MAU2: variants seen among roughly 807,000 people sequenced by gnomAD.
MAU2 encodes the protein MAU2 chromatid cohesion factor homolog.
Under a neutral mutation model 89.1 loss-of-function variants are expected in MAU2, and 9 were observed. That is an observed-to-expected ratio of 0.10 (90% CI 0.06 to 0.18). The LOEUF is 0.18. MAU2 is among the 10% of genes least tolerant of loss of function. MAU2 has a pLI of 1.00. For missense variants in MAU2, 425 were observed against 803.5 expected (o/e 0.53, Z 5.69); for synonymous variants, 357 against 343.4 (o/e 1.04, Z -0.44).
At chr19:19,334,682 C>A in intron 1 of MAU2, 1 of 838,306 alleles carries the variant, frequency 1.2e-6, no homozygotes, top group Non-Finnish European at 1.4e-6. Flanking sequence ...TAGGAGTGGC[C>A]GCTGTTGCCG....
chr19:19,325,714 G>A (rs2061498183), intron 1 of MAU2, among the ~76,000 whole-genome samples: 1 of 151,936 alleles, frequency 6.6e-6, no homozygotes, highest in Admixed American at 6.6e-5. Flanking sequence ...CCTGACCTCA[G>A]GTGATCTGCC....
In MAU2 at chr19:19,345,247, C is replaced by A; in HGVS notation, c.1156-57C>A. 1 of 1,509,770 alleles carries A rather than the reference C, an allele frequency of 6.6e-7. No homozygotes were observed. The highest frequency in any genetic ancestry group is 9.2e-7 in the Non-Finnish European group (1 of 1,086,222). The allele number at this position is 1,509,770 out of a possible 1,614,324, so 93.5% of individuals were successfully genotyped here. On this transcript the variant is annotated intron_variant, in intron 11 of 18. Transcript: ENST00000262815. The surrounding 1 kb of genome is among the most constrained non-coding windows in gnomAD (Gnocchi z 4.9). ...CAGGCCCCGGGCACACCACGTGTCT[C>A]TGATCTGAGCCCCCTCCCCAGGGGC...
chr19:19,327,297 A>C (rs2061518162), intron 1 of MAU2, among the ~76,000 whole-genome samples: 1 of 142,592 alleles, frequency 7.0e-6, no homozygotes, highest in Non-Finnish European at 1.5e-5. Flanking sequence ...AATTTTTTCT[A>C]CTTGTATTTA....
chr19:19,326,706 A>ATATATATACACACATATATATATGTG (rs1555792838), intron 1 of MAU2, among the ~76,000 whole-genome samples: 5 of 87,008 alleles, frequency 5.7e-5, no homozygotes, highest in Admixed American at 4.0e-4. Flanking sequence ...ATATATGTAT[A>ATATATATACACACATATATATATGTG]TATATATATA....
intron 16 of MAU2, 97 bp from the exon 17 acceptor site, chr19:19,354,258 A>G (rs1285939460): frequency 1.2e-6 from 1 of 866,768 alleles, no homozygotes; most frequent in Non-Finnish European, 1.9e-6. Context: ...GGCTGGGTTC[A>G]GTAGGTGGGT....
intron 3 of MAU2, 114 bp from the exon 4 acceptor site, chr19:19,337,056 A>G (rs1383873073): frequency 1.4e-6 from 1 of 731,870 alleles, no homozygotes; most frequent in Non-Finnish European, 2.3e-6. Context: ...ATCCTTTGGT[A>G]AGCATGAACA....
rs749502010 is a variant in MAU2 at position 19,356,148 on chromosome 19, A to G, written c.*366A>G. The G allele has an allele frequency of 4.5e-6, 2 of 444,062 alleles. No individual in the cohort carries two copies. Among genetic ancestry groups the G allele is most frequent in the South Asian group, 1.7e-5 (1 of 58,110 alleles). The allele number at this position is 444,062 out of a possible 1,614,324, so 27.5% of individuals were successfully genotyped here. On this transcript the variant is annotated 3_prime_UTR_variant, in exon 19 of 19. Transcript: ENST00000262815. ...CCAGGGCAGGCAGTGCCCCAGGGGC[A>G]CCACGCCTGACTCTCCATCACCCAG...
intron 5 of MAU2, among the ~76,000 whole-genome samples, chr19:19,340,579 C>T (rs2061636015): frequency 6.6e-6 from 1 of 152,096 alleles, no homozygotes. Flanking sequence ...GCTGAGCTTG[C>T]AGTGAGCTGA....
At chr19:19,344,027 C>A in intron 10 of MAU2, 87 bp downstream of exon 10, 1 of 1,068,050 alleles carries the variant, frequency 9.4e-7, no homozygotes, top group Non-Finnish European at 1.4e-6. Flanking sequence ...TCGCCAAGTG[C>A]ATACTGGCAG....
At chr19:19,341,539 C>G in intron 7 of MAU2, 132 bp downstream of exon 7, 2 of 1,075,006 alleles carry the variant, frequency 1.9e-6, no homozygotes, top group Non-Finnish European at 2.7e-6. Flanking sequence ...GCTGTCATAC[C>G]AGTCCCGGAC....
Position 19,320,831 on chromosome 19 carries a change from G to T in MAU2, c.-29G>T, listed in dbSNP as rs1186278608. 6.7e-7 allele frequency: 1 copy of T among 1,496,196 alleles called. No individual in the cohort carries two copies. The highest frequency in any genetic ancestry group is 1.5e-5 in the African/African-American group (1 of 68,674). The allele number at this position is 1,496,196 out of a possible 1,614,324, so 92.7% of individuals were successfully genotyped here. ...CGCGCGCCTGCTTCCGCCTCCCTGTGGCGGCGGCTTGTTGTTGTGGAGGCC... is the reference window on the plus strand; with the variant it reads ...CGCGCGCCTGCTTCCGCCTCCCTGTTGCGGCGGCTTGTTGTTGTGGAGGCC... On this transcript the variant is annotated 5_prime_UTR_variant, in exon 1 of 19. Coordinates refer to ENST00000262815, the MANE Select transcript of MAU2 (RefSeq NM_015329.4).
chr19:19,350,181 A>G (rs1343653056), intron 16 of MAU2, among the ~76,000 whole-genome samples: 1 of 151,484 alleles, frequency 6.6e-6, no homozygotes, highest in East Asian at 1.9e-4. Flanking sequence ...CTGTAATCCA[A>G]GCTACTCGGG....
At chr19:19,338,312 G>C (rs2061613353) in intron 4 of MAU2, among the ~76,000 whole-genome samples, 1 of 152,216 alleles carries the variant, frequency 6.6e-6, no homozygotes, top group Non-Finnish European at 1.5e-5. Flanking sequence ...CCTCCCCTGG[G>C]CCACAGAGTT....
At chr19:19,341,143 G>A (rs2061642048) in intron 6 of MAU2, 109 bp from the exon 7 acceptor site, 2 of 1,347,748 alleles carry the variant, frequency 1.5e-6, no homozygotes, top group Non-Finnish European at 1.0e-6. Flanking sequence ...CTTGCCCTCT[G>A]GATTGGTGGC....
At chr19:19,333,260 G>GA (rs749363418) in intron 1 of MAU2, among the ~76,000 whole-genome samples, 6 of 152,104 alleles carry the variant, frequency 3.9e-5, no homozygotes, top group Non-Finnish European at 8.8e-5. Context: ...CAAGACAGGA[G>GA]AATCACTCAA....
intron 16 of MAU2, chr19:19,353,580 A>G (rs1023203304): frequency 3.3e-5 from 5 of 152,300 alleles, no homozygotes; most frequent in African/African-American, 9.7e-5. Context: ...TGGCTTCCCA[A>G]GTGCTCCCTG....
chr19:19,326,723 T>C (rs867065689), intron 1 of MAU2, among the ~76,000 whole-genome samples: 5 of 123,440 alleles, frequency 4.1e-5, no homozygotes, highest in African/African-American at 1.2e-4. Context: ...TATATATACA[T>C]ATATATATAT....
chr19:19,324,285 A>G (rs2061486927), intron 1 of MAU2, among the ~76,000 whole-genome samples: 1 of 152,026 alleles, frequency 6.6e-6, no homozygotes. Flanking sequence ...AGCCTGGAGA[A>G]CCACTCGGGG....
At position 19,348,297 on chromosome 19, in the gene MAU2, A is replaced by G. The variant is rs1451212717; in HGVS notation, c.1309-592A>G. 6 of 168,166 alleles carry G rather than the reference A, an allele frequency of 3.6e-5. No individual in the cohort carries two copies. In the East Asian group the frequency reaches 9.3e-4, roughly 26 times the overall value. The allele number at this position is 168,166 out of a possible 1,614,324, so 10.4% of individuals were successfully genotyped here. A position where few individuals can be genotyped will look rare whatever the true frequency, so the allele number is the denominator to read the frequency against. On this transcript the variant is annotated intron_variant, in intron 13 of 18. Coordinates refer to ENST00000262815, the MANE Select transcript of MAU2 (RefSeq NM_015329.4). ...AGGATTGCTTGAGCTAGGGAGATTG[A>G]GGGCTGCAGTGAGCCATGATCCAGC...
Sources: allele counts gnomAD v4.1 joint callset (sites outside exome capture counted in the v4.1 genomes callset), GRCh38; gene constraint gnomAD v4.1.1; non-coding constraint Gnocchi (gnomAD v3.1); transcripts MANE v1.5; gene names NCBI Gene and HGNC (gene_info 2026-07-23, HGNC 2026-07-21).